The following ROR2 variants were observed in gnomAD, a reference collection of about 807,000 sequenced individuals.
The protein encoded by ROR2 is tyrosine-protein kinase transmembrane receptor ROR2.
In ROR2, 33 loss-of-function variants were observed where a neutral mutation model predicts 74.9. The ratio of observed to expected loss-of-function variants is 0.44; its 90% confidence interval spans 0.33 to 0.59. The LOEUF (loss-of-function observed/expected upper bound fraction) is 0.59. Among genes scored for constraint, ROR2 ranks in the 20% least tolerant of loss-of-function variants. The pLI, the probability that ROR2 is intolerant of heterozygous loss-of-function variation, is 0.02. For synonymous variants in ROR2, 586 were observed against 558.7 expected (o/e 1.05, Z -0.69); for missense variants, 1,216 against 1,313.8 (o/e 0.93, Z 1.15).
chr9:91,756,827 T>C (rs1157163264), intron 3 of ROR2, among the ~76,000 whole-genome samples: 1 of 147,268 alleles, frequency 6.8e-6, no homozygotes, highest in African/African-American at 2.5e-5. Context: ...CTCGGCTCAC[T>C]GCAACCTCCA....
chr9:91,736,424 C>T (rs1157573858), intron 5 of ROR2, among the ~76,000 whole-genome samples: 1 of 152,180 alleles, frequency 6.6e-6, no homozygotes, highest in Non-Finnish European at 1.5e-5. Context: ...CCTGTATCCC[C>T]TTTGCCCCAC....
chr9:91,925,597 C>T (rs777214044), intron 1 of ROR2, among the ~76,000 whole-genome samples: 6 of 152,134 alleles, frequency 3.9e-5, no homozygotes, highest in Non-Finnish European at 7.3e-5. Flanking sequence ...CCAATGCCCT[C>T]GCCATCCTTA....
chr9:91,755,109 C>T (rs576151263), intron 4 of ROR2, among the ~76,000 whole-genome samples: 26 of 151,970 alleles, frequency 1.7e-4, no homozygotes, highest in East Asian at 3.9e-4. Context: ...AAGCTGTGAT[C>T]GTGCCACTGC....
intron 1 of ROR2, among the ~76,000 whole-genome samples, chr9:91,780,386 TGAAA>T (rs1375408703): frequency 3.5e-5 from 2 of 57,844 alleles, no homozygotes; most frequent in South Asian, 5.3e-4. Context: ...AAAAAAAAAA[TGAAA>T]GAAAGAAAGA....
At chr9:91,796,658 G>A (rs1827182734) in intron 1 of ROR2, among the ~76,000 whole-genome samples, 1 of 151,434 alleles carries the variant, frequency 6.6e-6, no homozygotes, top group African/African-American at 2.4e-5. Context: ...CCTGGATTCA[G>A]TAGGTGGGCC....
intron 4 of ROR2, among the ~76,000 whole-genome samples, chr9:91,740,082 GAGA>G (rs1201630772): frequency 1.3e-5 from 2 of 152,202 alleles, no homozygotes; most frequent in South Asian, 2.1e-4. Flanking sequence ...AGTCAAGGAA[GAGA>G]AGGTTGTTCC....
At chr9:91,937,163 G>C (rs1330105521) in intron 1 of ROR2, among the ~76,000 whole-genome samples, 1 of 151,664 alleles carries the variant, frequency 6.6e-6, no homozygotes, top group Non-Finnish European at 1.5e-5. Context: ...CGGGATTATA[G>C]AATTAAACAG....
intron 1 of ROR2, among the ~76,000 whole-genome samples, chr9:91,883,818 C>T (rs930645194): frequency 4.6e-5 from 7 of 152,286 alleles, no homozygotes; most frequent in Admixed American, 6.5e-5. Context: ...CCCTTGCTAG[C>T]GCTTAAATCA....
chr9:91,950,081 G>A lies in ROR2; in HGVS notation c.-118C>T, dbSNP rs1832134851. The A allele has an allele frequency of 8.3e-6, 4 of 482,472 alleles. No homozygotes were observed. The highest frequency in any genetic ancestry group is 1.4e-5 in the Non-Finnish European group (4 of 286,368). The allele number at this position is 482,472 out of a possible 1,614,324, so 29.9% of individuals were successfully genotyped here. ...TCCTTCTCCCTGGCGCTTCGCAAAC[G>A]GGTCCACTTCGAGGACCTCGTCGTC... On this transcript the variant is annotated 5_prime_UTR_variant, in exon 1 of 9. Coordinates refer to ENST00000375708, the MANE Select transcript of ROR2 (RefSeq NM_004560.4).
chr9:91,769,576 T>G (rs368030110), intron 2 of ROR2, among the ~76,000 whole-genome samples: 4 of 152,086 alleles, frequency 2.6e-5, no homozygotes, highest in Admixed American at 6.5e-5. Flanking sequence ...CTGGGTGTCA[T>G]AGCCTTGCTG....
At chr9:91,735,387 T>C (rs1335131392) in intron 5 of ROR2, among the ~76,000 whole-genome samples, 1 of 152,184 alleles carries the variant, frequency 6.6e-6, no homozygotes, top group African/African-American at 2.4e-5. Context: ...TTCTAAACTC[T>C]TCTCTAAAAG....
In ROR2 at chr9:91,781,767, T is replaced by C. The variant is rs79136961; in HGVS notation, c.98-5949A>G. ...CTTCAAGGGCTGGCTTAACTCTACTTTGGAAATAGGGAGTTAAAACTCATC... is the reference window on the plus strand; with the variant it reads ...CTTCAAGGGCTGGCTTAACTCTACTCTGGAAATAGGGAGTTAAAACTCATC... On this transcript the variant is annotated intron_variant, in intron 1 of 8. Transcript: ENST00000375708. Among the ~76,000 whole-genome samples the C allele has an allele frequency of 3.2e-3, 490 of 152,358 alleles. 3 individuals carry two copies. The highest frequency in any genetic ancestry group is 0.011 in the African/African-American group (478 of 41,568).
intron 1 of ROR2, among the ~76,000 whole-genome samples, chr9:91,855,349 G>A (rs1022476735): frequency 2.6e-5 from 4 of 152,240 alleles, no homozygotes; most frequent in Admixed American, 2.0e-4. Flanking sequence ...CATGACAAGT[G>A]CTCCTGAGAC....
chr9:91,809,708 C>T (rs566488270), intron 1 of ROR2, among the ~76,000 whole-genome samples: 33 of 152,348 alleles, frequency 2.2e-4, no homozygotes, highest in African/African-American at 6.0e-4. Flanking sequence ...GGGGTACAGC[C>T]GGCAGCAAGA....
At chr9:91,767,231 C>T (rs1011642036) in intron 2 of ROR2, among the ~76,000 whole-genome samples, 1 of 152,184 alleles carries the variant, frequency 6.6e-6, no homozygotes, top group African/African-American at 2.4e-5. Flanking sequence ...TGCACCACCA[C>T]GCCCAGCTAA....
At chr9:91,725,200 G>T (rs1050117959) in intron 8 of ROR2, 93 bp from the exon 9 acceptor site, 1 of 1,597,210 alleles carries the variant, frequency 6.3e-7, no homozygotes, top group Non-Finnish European at 8.5e-7. Context: ...GTCCCTGTGC[G>T]GCCACGACTA....
At chr9:91,839,580 GTT>G (rs1436719120) in intron 1 of ROR2, among the ~76,000 whole-genome samples, 13 of 151,668 alleles carry the variant, frequency 8.6e-5, no homozygotes, top group African/African-American at 3.1e-4. Flanking sequence ...GAGGGAGTGT[GTT>G]TGTGTGTTTC....
At chr9:91,918,046 CG>C (rs778141633) in intron 1 of ROR2, among the ~76,000 whole-genome samples, 18 of 151,916 alleles carry the variant, frequency 1.2e-4, no homozygotes, top group Non-Finnish European at 2.2e-4. Context: ...CCGAGACAGG[CG>C]GATCACGAGG....
intron 1 of ROR2, among the ~76,000 whole-genome samples, chr9:91,833,945 C>T (rs1587765141): frequency 3.3e-5 from 5 of 152,268 alleles, no homozygotes; most frequent in Admixed American, 3.3e-4. Context: ...TGTTCTCTCC[C>T]CCAGCCTCAA....
Sources: allele counts gnomAD v4.1 joint callset (sites outside exome capture counted in the v4.1 genomes callset), GRCh38; gene constraint gnomAD v4.1.1; transcripts MANE v1.5; gene names NCBI Gene and HGNC (gene_info 2026-07-23, HGNC 2026-07-21).